The following KCNK1 variants were observed in gnomAD, a reference collection of about 807,000 sequenced individuals.
KCNK1 encodes the protein potassium two pore domain channel subfamily K member 1, also known as potassium channel subfamily K member 1.
KCNK1 carries 10 observed loss-of-function variants against 22.2 expected under a neutral mutation model. The observed-to-expected ratio is 0.45, with a 90% CI of 0.28 to 0.76. The LOEUF is 0.76. KCNK1 is among the 30% of genes least tolerant of loss of function. The pLI is 0.14. For synonymous variants in KCNK1, 200 were observed against 186.4 expected, an observed-to-expected ratio of 1.07 and a Z score of -0.60; for missense variants, 378 against 421.0, an observed-to-expected ratio of 0.90 and a Z score of 0.89.
At chr1:233,642,660 A>G (rs1429523393) in intron 1 of KCNK1, among the ~76,000 whole-genome samples, 1 of 152,178 alleles carries the variant, frequency 6.6e-6, no homozygotes, top group African/African-American at 2.4e-5. Flanking sequence ...ATGGGAAGTG[A>G]TGCTGTGGGG....
chr1:233,640,880 T>C (rs1191945025), intron 1 of KCNK1, among the ~76,000 whole-genome samples: 2 of 152,142 alleles, frequency 1.3e-5, no homozygotes, highest in African/African-American at 4.8e-5. Flanking sequence ...AATTGTTGTG[T>C]TTTTAGTAGA....
chr1:233,664,898 TA>T (rs35436626), intron 1 of KCNK1, among the ~76,000 whole-genome samples: 3 of 152,158 alleles, frequency 2.0e-5, no homozygotes, highest in South Asian at 2.1e-4. Flanking sequence ...CAATTTCATT[TA>T]AAAAAAATGT....
intron 1 of KCNK1, among the ~76,000 whole-genome samples, chr1:233,664,631 G>A (rs1262915179): frequency 6.6e-6 from 1 of 152,192 alleles, no homozygotes; most frequent in South Asian, 2.1e-4. Flanking sequence ...CCTTGCCGTA[G>A]TTCATTCATA....
chr1:233,620,508 CT>C (rs540149329), intron 1 of KCNK1, among the ~76,000 whole-genome samples: 8 of 151,190 alleles, frequency 5.3e-5, no homozygotes, highest in South Asian at 2.1e-4. Flanking sequence ...TGTGTCACTG[CT>C]TTTTTTTTCC....
chr1:233,627,679 G>C (rs191253683), intron 1 of KCNK1, among the ~76,000 whole-genome samples: 1 of 152,192 alleles, frequency 6.6e-6, no homozygotes, highest in Non-Finnish European at 1.5e-5. Flanking sequence ...GAAGAGCACT[G>C]TTGTGTGGAT....
intron 1 of KCNK1, among the ~76,000 whole-genome samples, chr1:233,643,979 T>C (rs918846304): frequency 1.3e-5 from 2 of 152,242 alleles, no homozygotes; most frequent in African/African-American, 4.8e-5. Flanking sequence ...GGGTTCATGG[T>C]GCTTCTTAAA....
chr1:233,664,909 T>C lies in KCNK1; in HGVS notation c.356-1686T>C, dbSNP rs116607246. Among the ~76,000 whole-genome samples, 1,479 of 152,152 alleles carry C rather than the reference T, an allele frequency of 9.7e-3. 25 individuals are homozygous for C. Among genetic ancestry groups the C allele is most frequent in the African/African-American group, 0.034 (1,415 of 41,528 alleles). ...AATCCAATTTCATTTAAAAAAAATG[T>C]ATTTAGCTGGCTTTTTCCTGAATTG... On this transcript the variant is annotated intron_variant, in intron 1 of 2. Coordinates refer to ENST00000366621, the MANE Select transcript of KCNK1 (RefSeq NM_002245.4).
At chr1:233,640,320 A>T (rs891713842) in intron 1 of KCNK1, among the ~76,000 whole-genome samples, 1 of 152,194 alleles carries the variant, frequency 6.6e-6, no homozygotes, top group African/African-American at 2.4e-5. Flanking sequence ...ACTTATTGCC[A>T]GGTGGGCAGG....
intron 1 of KCNK1, among the ~76,000 whole-genome samples, chr1:233,653,049 C>T (rs541427375): frequency 6.6e-6 from 1 of 152,322 alleles, no homozygotes; most frequent in South Asian, 2.1e-4. Flanking sequence ...ATCAGGCTTT[C>T]ACCTTCTGAG....
At chr1:233,640,657 C>T (rs537969792) in intron 1 of KCNK1, among the ~76,000 whole-genome samples, 1 of 152,020 alleles carries the variant, frequency 6.6e-6, no homozygotes, top group Non-Finnish European at 1.5e-5. Flanking sequence ...TCTGGGATAA[C>T]GTAGAGAATG....
At chr1:233,667,360 G>C (rs1183197276) in intron 2 of KCNK1, among the ~76,000 whole-genome samples, 1 of 152,110 alleles carries the variant, frequency 6.6e-6, no homozygotes, top group Non-Finnish European at 1.5e-5. Context: ...TTATTACTGA[G>C]ATATTTTTCA....
intron 2 of KCNK1, among the ~76,000 whole-genome samples, chr1:233,668,751 A>C (rs1003966943): frequency 3.3e-5 from 5 of 151,980 alleles, no homozygotes; most frequent in Non-Finnish European, 7.4e-5. Context: ...GATTATAGGC[A>C]CCTGCCACCA....
At chr1:233,650,182 G>A (rs1658175635) in intron 1 of KCNK1, 1 of 381,010 alleles carries the variant, frequency 2.6e-6, no homozygotes, top group Non-Finnish European at 5.3e-6. Flanking sequence ...TGATCTTGGT[G>A]AGCAGCTATC....
At position 233,671,953 on chromosome 1, in the gene KCNK1, A is replaced by G. The variant is rs768391569; in HGVS notation, c.*423A>G. 13 of 190,056 alleles carry G rather than the reference A, an allele frequency of 6.8e-5. No individual in the cohort carries two copies. The highest frequency in any genetic ancestry group is 9.9e-5 in the Non-Finnish European group (9 of 90,794). 11.8% of individuals were successfully genotyped at this position (190,056 alleles called of 1,614,324 possible). A position where few individuals can be genotyped will look rare whatever the true frequency, so the allele number is the denominator to read the frequency against. On this transcript the variant is annotated 3_prime_UTR_variant, in exon 3 of 3. Coordinates refer to ENST00000366621, the MANE Select transcript of KCNK1 (RefSeq NM_002245.4). ...AAAAAGCATAGAGATGTGTTTTATAAATAGGTTTATGTGTACTGGTTTGCA... is the reference window on the plus strand; with the variant it reads ...AAAAAGCATAGAGATGTGTTTTATAGATAGGTTTATGTGTACTGGTTTGCA...
intron 1 of KCNK1, among the ~76,000 whole-genome samples, chr1:233,623,996 CAT>C (rs918538749): frequency 6.6e-6 from 1 of 152,072 alleles, no homozygotes; most frequent in African/African-American, 2.4e-5. Context: ...GAGAGTAAAA[CAT>C]GTTAGGTTTC....
intron 1 of KCNK1, among the ~76,000 whole-genome samples, chr1:233,626,512 C>T (rs1657692269): frequency 6.6e-6 from 1 of 152,092 alleles, no homozygotes; most frequent in African/African-American, 2.4e-5. Flanking sequence ...GCCGTGATGT[C>T]ATGTTGTATC....
chr1:233,637,215 AAAG>A (rs1657914979), intron 1 of KCNK1: 3 of 151,884 alleles, frequency 2.0e-5, no homozygotes, highest in Admixed American at 1.3e-4. Flanking sequence ...AAAAAAAAAA[AAAG>A]ATGGTGACAT....
chr1:233,650,741 A>T (rs772374650), intron 1 of KCNK1, among the ~76,000 whole-genome samples: 3 of 152,080 alleles, frequency 2.0e-5, no homozygotes, highest in African/African-American at 7.2e-5. Flanking sequence ...CCAGGATTCA[A>T]ATTTAGCAAA....
intron 1 of KCNK1, among the ~76,000 whole-genome samples, chr1:233,630,984 A>C (rs1368551082): frequency 6.6e-6 from 1 of 152,170 alleles, no homozygotes; most frequent in Non-Finnish European, 1.5e-5. Flanking sequence ...AACTTGATAC[A>C]TAGCTTGTTT....
Sources: allele counts gnomAD v4.1 joint callset (sites outside exome capture counted in the v4.1 genomes callset), GRCh38; gene constraint gnomAD v4.1.1; transcripts MANE v1.5; gene names NCBI Gene and HGNC (gene_info 2026-07-23, HGNC 2026-07-21).